The following KCNN3 variants were observed in gnomAD, a reference collection of about 807,000 sequenced individuals.
The protein encoded by KCNN3 is potassium calcium-activated channel subfamily N member 3, also known as small conductance calcium-activated potassium channel protein 3.
In KCNN3, 16 loss-of-function variants were observed where a neutral mutation model predicts 62.9. The observed-to-expected ratio is 0.25, with a 90% confidence interval of 0.17 to 0.39. KCNN3 has a LOEUF of 0.39. Ranked by LOEUF, KCNN3 falls within the 10% of genes least tolerant of loss-of-function variation. The pLI is 1.00. For missense variants in KCNN3, 599 were observed against 949.4 expected (o/e 0.63, Z 4.85); for synonymous variants, 370 against 389.2 (o/e 0.95, Z 0.58).
chr1:154,821,250 T>C (rs773127954), intron 2 of KCNN3, among the ~76,000 whole-genome samples: 4 of 152,206 alleles, frequency 2.6e-5, no homozygotes, highest in Non-Finnish European at 5.9e-5. Flanking sequence ...TGTGAATCTA[T>C]CTGTGCTCCT....
intron 3 of KCNN3, among the ~76,000 whole-genome samples, chr1:154,756,262 A>C (rs1647697789): frequency 6.6e-6 from 1 of 150,828 alleles, no homozygotes; most frequent in African/African-American, 2.4e-5. Flanking sequence ...AAAGGCAAAG[A>C]AGAAGAAGAC....
At chr1:154,733,252 G>A in intron 3 of KCNN3, 108 bp from the exon 4 acceptor site, 2 of 1,174,892 alleles carry the variant, frequency 1.7e-6, no homozygotes, top group Middle Eastern at 2.4e-4. Context: ...CTGAGGAAGA[G>A]GCAGCAGTGA....
intron 3 of KCNN3, among the ~76,000 whole-genome samples, chr1:154,770,297 G>A (rs1366397033): frequency 4.6e-5 from 7 of 152,200 alleles, no homozygotes; most frequent in African/African-American, 1.4e-4. Flanking sequence ...CTTGTTCTGC[G>A]GCAGCAGAAT....
rs373253800 is a variant in KCNN3 at position 154,766,416 on chromosome 1, TTATATA to T, written c.1448+5553_1448+5558del. Reference sequence around the variant, plus strand: ...CCATTTATTAAATACTAGCCAGGCTTTATATATATATATATATATATATATATGTAG... The same window carrying T: ...CCATTTATTAAATACTAGCCAGGCTTTATATATATATATATATATATGTAG... On this transcript the variant is annotated intron_variant, in intron 3 of 7. Coordinates refer to ENST00000271915, the MANE Select transcript of KCNN3 (RefSeq NM_002249.6). Among the ~76,000 whole-genome samples, 21 of 71,804 alleles carry T rather than the reference TTATATA, an allele frequency of 2.9e-4. 3 individuals are homozygous for T. Among genetic ancestry groups the T allele is most frequent in the South Asian group, 1.2e-3 (2 of 1,718 alleles). 47.1% of individuals were successfully genotyped at this position (71,804 alleles called of 152,430 possible). A position where few individuals can be genotyped will look rare whatever the true frequency, so the allele number is the denominator to read the frequency against.
At chr1:154,846,093 G>T (rs531401925) in intron 1 of KCNN3, among the ~76,000 whole-genome samples, 4 of 152,276 alleles carry the variant, frequency 2.6e-5, no homozygotes, top group Admixed American at 1.3e-4. Context: ...GCCCTGGCTG[G>T]GGGGCTTTCC....
At chr1:154,743,762 C>T (rs950892106) in intron 3 of KCNN3, among the ~76,000 whole-genome samples, 2 of 152,160 alleles carry the variant, frequency 1.3e-5, no homozygotes, top group Non-Finnish European at 2.9e-5. Context: ...GGTGATTTTG[C>T]TCAGCGGCAG....
chr1:154,780,900 C>A (rs1649014808), intron 2 of KCNN3, among the ~76,000 whole-genome samples: 1 of 152,106 alleles, frequency 6.6e-6, no homozygotes, highest in African/African-American at 2.4e-5. Flanking sequence ...AGTGAACAGG[C>A]CTTGTCAGGG....
intron 1 of KCNN3, among the ~76,000 whole-genome samples, chr1:154,829,546 TC>T (rs1347877367): frequency 6.6e-6 from 1 of 152,086 alleles, no homozygotes; most frequent in Non-Finnish European, 1.5e-5. Context: ...TTGAGGTGGA[TC>T]CCCAGTGGGC....
In KCNN3 at chr1:154,809,400, G is replaced by A. The variant is rs1311665794; in HGVS notation, c.1029+12689C>T. 6.6e-6 allele frequency among the ~76,000 whole-genome samples: 1 copy of A among 152,186 alleles called. No homozygotes were observed. Among genetic ancestry groups the A allele is most frequent in the Non-Finnish European group, 1.5e-5 (1 of 68,036 alleles). ...GAATGCAGAGCAGGCTTATTTGGGGGCTGGGGTGGGAGGGCACATAAAACT... is the reference window on the plus strand; with the variant it reads ...GAATGCAGAGCAGGCTTATTTGGGGACTGGGGTGGGAGGGCACATAAAACT... On this transcript the variant is annotated intron_variant, in intron 2 of 7. Transcript: ENST00000271915. The surrounding 1 kb of genome is among the most constrained non-coding windows in gnomAD (Gnocchi z 4.3).
chr1:154,703,333 TG>T lies in KCNN3; in HGVS notation c.*4642del, dbSNP rs1699902974. 4 of 152,142 alleles carry T rather than the reference TG, an allele frequency of 2.6e-5. No individual in the cohort carries two copies. Among genetic ancestry groups the T allele is most frequent in the African/African-American group, 7.2e-5 (3 of 41,428 alleles). 9.4% of individuals were successfully genotyped at this position (152,142 alleles called of 1,614,324 possible). A position where few individuals can be genotyped will look rare whatever the true frequency, so the allele number is the denominator to read the frequency against. On this transcript the variant is annotated 3_prime_UTR_variant, in exon 8 of 8. Coordinates refer to ENST00000271915, the MANE Select transcript of KCNN3 (RefSeq NM_002249.6). ...CAGTAGAGAAGGAAAGGATACTGTC[TG>T]GGGCGTCATCAAGCCCACCGACTGC...
intron 2 of KCNN3, among the ~76,000 whole-genome samples, chr1:154,802,338 C>T (rs1025563052): frequency 6.6e-6 from 1 of 152,170 alleles, no homozygotes; most frequent in Non-Finnish European, 1.5e-5. Context: ...GCATGGAGCT[C>T]AAGCCACTAC....
intron 1 of KCNN3, among the ~76,000 whole-genome samples, chr1:154,847,418 G>T (rs945609689): frequency 6.6e-6 from 1 of 152,194 alleles, no homozygotes; most frequent in Non-Finnish European, 1.5e-5. Flanking sequence ...AGGACCACGG[G>T]GAGTCACCAA....
intron 3 of KCNN3, among the ~76,000 whole-genome samples, chr1:154,751,285 G>A (rs1181884753): frequency 6.6e-6 from 1 of 152,184 alleles, no homozygotes; most frequent in East Asian, 1.9e-4. Context: ...TAAGTCAGGT[G>A]TTTTTTTGGA....
chr1:154,714,202 GTCGTA>G (rs1700153458), intron 6 of KCNN3, among the ~76,000 whole-genome samples: 3 of 135,080 alleles, frequency 2.2e-5, no homozygotes, highest in Non-Finnish European at 3.2e-5. Context: ...TGGTGTGTGT[GTCGTA>G]TGTGGTGTGC....
chr1:154,733,356 G>A (rs750687650), intron 3 of KCNN3, among the ~76,000 whole-genome samples: 7 of 152,134 alleles, frequency 4.6e-5, no homozygotes, highest in South Asian at 2.1e-4. Flanking sequence ...TTGGCCTCCC[G>A]CCATGAGCTT....
chr1:154,745,037 A>C (rs975965763), intron 3 of KCNN3, among the ~76,000 whole-genome samples: 11 of 152,182 alleles, frequency 7.2e-5, no homozygotes, highest in African/African-American at 2.4e-4. Flanking sequence ...CAAGCCTATC[A>C]AACCACGTGC....
At chr1:154,826,191 A>G (rs914462480) in intron 1 of KCNN3, among the ~76,000 whole-genome samples, 2 of 152,188 alleles carry the variant, frequency 1.3e-5, no homozygotes, top group Non-Finnish European at 2.9e-5. Context: ...GATATGTAGT[A>G]TATTTCCAAT....
chr1:154,807,654 T>C (rs1235475729), intron 2 of KCNN3, among the ~76,000 whole-genome samples: 1 of 152,206 alleles, frequency 6.6e-6, no homozygotes, highest in Non-Finnish European at 1.5e-5. Context: ...GCTTGATTTG[T>C]GAACAATAAG....
intron 3 of KCNN3, among the ~76,000 whole-genome samples, chr1:154,769,589 C>T (rs1382527181): frequency 6.6e-6 from 1 of 152,210 alleles, no homozygotes; most frequent in African/African-American, 2.4e-5. Flanking sequence ...GAAAAATAGT[C>T]ACCCCTTCTT....
Sources: gnomAD v4.1 joint callset for allele counts (sites outside exome capture counted in the v4.1 genomes callset) on GRCh38, gnomAD v4.1.1 for gene constraint, Gnocchi (gnomAD v3.1) non-coding constraint, MANE v1.5 for transcripts, NCBI Gene and HGNC (gene_info 2026-07-23, HGNC 2026-07-21) for gene names.